The following CDH19 variants were observed in gnomAD, a reference collection of about 807,000 sequenced individuals.
CDH19 encodes the protein cadherin-19.
In CDH19, 67 loss-of-function variants were observed where a neutral mutation model predicts 64.2. That is an observed-to-expected ratio of 1.04 (90% confidence interval 0.86 to 1.28). The LOEUF (loss-of-function observed/expected upper bound fraction) is 1.28, where lower values mean the gene tolerates loss of function less well. Ranked by LOEUF, CDH19 falls within the 50% of genes most tolerant of loss-of-function variation. The pLI is 0.00. For missense variants in CDH19, 1,030 were observed against 929.0 expected, an observed-to-expected ratio of 1.11 and a Z score of -1.41; for synonymous variants, 346 against 319.3, an observed-to-expected ratio of 1.08 and a Z score of -0.89.
intron 5 of CDH19, 118 bp downstream of exon 5, chr18:66,550,972 AATTT>A: frequency 1.9e-6 from 1 of 524,586 alleles, no homozygotes; most frequent in African/African-American, 1.9e-5. Context: ...ACAATTGACA[AATTT>A]ATTTTATATA....
intron 1 of CDH19, among the ~76,000 whole-genome samples, chr18:66,579,434 A>C (rs1351253230): frequency 6.6e-6 from 1 of 152,064 alleles, no homozygotes; most frequent in East Asian, 1.9e-4. Context: ...TGCTACCCAC[A>C]GTGTAATCTG....
chr18:66,581,673 G>T (rs1174173358), intron 1 of CDH19, among the ~76,000 whole-genome samples: 1 of 151,990 alleles, frequency 6.6e-6, no homozygotes, highest in African/African-American at 2.4e-5. Context: ...AAAGTGGTTT[G>T]CTGGGGGCCT....
intron 4 of CDH19, among the ~76,000 whole-genome samples, 165 bp downstream of exon 4, chr18:66,554,240 G>C (rs534074174): frequency 6.6e-6 from 1 of 152,092 alleles, no homozygotes; most frequent in Non-Finnish European, 1.5e-5. Context: ...TCTCCTAGAA[G>C]TATCAGCTAA....
intron 1 of CDH19, among the ~76,000 whole-genome samples, chr18:66,602,239 G>A (rs547929344): frequency 4.6e-5 from 7 of 152,014 alleles, no homozygotes; most frequent in East Asian, 1.9e-4. Flanking sequence ...ATACTGCTAT[G>A]TAATGTTTTA....
rs920431414 is a variant in CDH19 at position 66,504,628 on chromosome 18, A to G, written c.*184T>C. On this transcript the variant is annotated 3_prime_UTR_variant, in exon 12 of 12. Coordinates refer to ENST00000262150, the MANE Select transcript of CDH19 (RefSeq NM_021153.4). ...GCTGATTGTTTACATTTCTCCCCAC[A>G]TCTCTGTTCAATGACAGCATGTAGG... 14 of 514,292 alleles carry G rather than the reference A, an allele frequency of 2.7e-5. No individual in the cohort carries two copies. The highest frequency in any genetic ancestry group is 3.4e-5 in the Non-Finnish European group (10 of 296,692). 31.9% of individuals were successfully genotyped at this position (514,292 alleles called of 1,614,324 possible). A position where few individuals can be genotyped will look rare whatever the true frequency, so the allele number is the denominator to read the frequency against.
intron 7 of CDH19, among the ~76,000 whole-genome samples, chr18:66,539,064 G>A (rs1986787367): frequency 6.6e-6 from 1 of 152,042 alleles, no homozygotes; most frequent in South Asian, 2.1e-4. Context: ...CTTTATTCCT[G>A]GGTAAATGCT....
chr18:66,536,840 T>A (rs1032250226), intron 7 of CDH19, among the ~76,000 whole-genome samples: 2 of 151,736 alleles, frequency 1.3e-5, no homozygotes, highest in African/African-American at 4.8e-5. Flanking sequence ...ATATGTAAAA[T>A]ACATATATAT....
intron 9 of CDH19, among the ~76,000 whole-genome samples, chr18:66,514,224 A>G (rs1319674105): frequency 6.6e-6 from 1 of 151,436 alleles, no homozygotes; most frequent in Non-Finnish European, 1.5e-5. Context: ...GCCCTCTAGG[A>G]CATATTGTTC....
chr18:66,509,023 A>G lies in CDH19; in HGVS notation c.1800T>C (p.Ala600=). 1 of 1,611,874 alleles carries G rather than the reference A, an allele frequency of 6.2e-7. No individual in the cohort carries two copies. The highest frequency in any genetic ancestry group is 8.5e-7 in the Non-Finnish European group (1 of 1,178,426). The change falls in exon 11 of 12, where the codon GCT becomes GCC. Residue 600 remains alanine, a synonymous_variant. Transcript: ENST00000262150. ...ATATGATCATAATGCAAATGAGAAT[A>G]GCAATGATGACTTCTGTCTTGAATC... is the stretch of plus-strand genomic sequence containing the variant. The part of the protein sequence containing the change: ...SMGFKTEVII[A]ILICIMIIFG...
At chr18:66,579,741 A>G (rs1337544279) in intron 1 of CDH19, among the ~76,000 whole-genome samples, 2 of 152,042 alleles carry the variant, frequency 1.3e-5, no homozygotes, top group Admixed American at 6.6e-5. Flanking sequence ...ATTTTTATGG[A>G]TTTATAAAAA....
Position 66,568,562 on chromosome 18 carries a change from A to G in CDH19, c.344T>C (p.Leu115Ser). 1 of 1,612,358 alleles carries G rather than the reference A, an allele frequency of 6.2e-7. No individual in the cohort carries two copies. The highest frequency in any genetic ancestry group is 8.5e-7 in the Non-Finnish European group (1 of 1,178,978). The change falls in exon 3 of 12, where the codon TTA becomes TCA. Residue 115 changes from leucine to serine, a missense_variant. Leu to Ser is a moderately radical substitution (Grantham distance 145). Coordinates refer to ENST00000262150, the MANE Select transcript of CDH19 (RefSeq NM_021153.4). ...AGCGATGTCTATTACCTGGGCTCTTAAGATGTAGAGGGATCGCTCCTCTCT... is the reference window on the plus strand; with the variant it reads ...AGCGATGTCTATTACCTGGGCTCTTGAGATGTAGAGGGATCGCTCCTCTCT... The part of the protein sequence containing the change: ...LDREERSLYI[L>S]RAQVIDIATG...
intron 3 of CDH19, among the ~76,000 whole-genome samples, chr18:66,565,372 T>C (rs984549021): frequency 4.6e-5 from 7 of 152,032 alleles, no homozygotes; most frequent in African/African-American, 1.7e-4. Context: ...TTCCCTTCAG[T>C]AATTCAAACC....
intron 3 of CDH19, among the ~76,000 whole-genome samples, chr18:66,558,382 A>G (rs1987599393): frequency 6.6e-6 from 1 of 151,434 alleles, no homozygotes; most frequent in South Asian, 2.1e-4. Context: ...TCCCTCTTTC[A>G]GTTATTATTG....
chr18:66,530,240 A>T (rs1271169016), intron 8 of CDH19, among the ~76,000 whole-genome samples: 2 of 152,108 alleles, frequency 1.3e-5, no homozygotes, highest in African/African-American at 2.4e-5. Context: ...CAGTAAAAAG[A>T]TAAAGTAAAA....
chr18:66,533,133 T>C (rs184645224), intron 8 of CDH19, among the ~76,000 whole-genome samples: 2 of 151,938 alleles, frequency 1.3e-5, no homozygotes, highest in Admixed American at 6.6e-5. Flanking sequence ...TAAAATTGAA[T>C]TTTCCCAACA....
At chr18:66,512,573 A>T (rs1267380244) in intron 9 of CDH19, among the ~76,000 whole-genome samples, 1 of 151,576 alleles carries the variant, frequency 6.6e-6, no homozygotes, top group East Asian at 1.9e-4. Flanking sequence ...CTTCACAGGC[A>T]TAAAGAACAT....
At chr18:66,564,023 G>A (rs1279201515) in intron 3 of CDH19, among the ~76,000 whole-genome samples, 1 of 151,696 alleles carries the variant, frequency 6.6e-6, no homozygotes, top group East Asian at 1.9e-4. Context: ...TGTTCCCAAA[G>A]GCAAGAGATT....
At chr18:66,523,618 G>C (rs535387066) in intron 9 of CDH19, among the ~76,000 whole-genome samples, 14 of 151,390 alleles carry the variant, frequency 9.2e-5, no homozygotes, top group East Asian at 7.8e-4. Context: ...CGGTGGGGGT[G>C]GGGGGGGAGT....
intron 1 of CDH19, among the ~76,000 whole-genome samples, chr18:66,586,883 T>C (rs1265027538): frequency 6.6e-6 from 1 of 152,142 alleles, no homozygotes; most frequent in Non-Finnish European, 1.5e-5. Flanking sequence ...CTATTGTCTT[T>C]ATTCCCACTT....
Sources: gnomAD v4.1 joint callset for allele counts (sites outside exome capture counted in the v4.1 genomes callset) on GRCh38, gnomAD v4.1.1 for gene constraint, MANE v1.5 for transcripts, NCBI Gene and HGNC (gene_info 2026-07-23, HGNC 2026-07-21) for gene names.